FNDC3A: variants seen among roughly 807,000 people sequenced by gnomAD.
The protein encoded by FNDC3A is fibronectin type-III domain-containing protein 3A.
In FNDC3A, 32 loss-of-function variants were observed where a neutral mutation model predicts 148.9. The observed-to-expected ratio is 0.21, with a 90% CI of 0.16 to 0.29. The LOEUF is 0.29. Ranked by LOEUF, FNDC3A falls within the 10% of genes least tolerant of loss-of-function variation. The pLI is 1.00. For missense variants in FNDC3A, 1,191 were observed against 1,452.8 expected (o/e 0.82, Z 2.93); for synonymous variants, 472 against 473.6 (o/e 1.00, Z 0.04).
At chr13:49,172,498 GCCAGGCCCTCT>G (rs1348981730) in intron 11 of FNDC3A, among the ~76,000 whole-genome samples, 3 of 152,106 alleles carry the variant, frequency 2.0e-5, no homozygotes, top group Admixed American at 6.5e-5. Context: ...TGTCAGCATG[GCCAGGCCCTCT>G]CCAGGGACTT....
chr13:49,144,373 A>G (rs1023804582), intron 7 of FNDC3A, among the ~76,000 whole-genome samples: 1 of 152,180 alleles, frequency 6.6e-6, no homozygotes, highest in African/African-American at 2.4e-5. Flanking sequence ...AAATATAGTA[A>G]TAGTTTTTTT....
intron 1 of FNDC3A, among the ~76,000 whole-genome samples, chr13:49,005,832 GTTAAA>G (rs1952210285): frequency 6.6e-6 from 1 of 151,816 alleles, no homozygotes; most frequent in Non-Finnish European, 1.5e-5. Context: ...AGTAGTGGTG[GTTAAA>G]TTAAATAAAA....
chr13:49,058,357 G>T (rs925394612), intron 2 of FNDC3A, among the ~76,000 whole-genome samples: 1 of 152,124 alleles, frequency 6.6e-6, no homozygotes, highest in Non-Finnish European at 1.5e-5. Flanking sequence ...TAGGTCAGGG[G>T]TCGATCTAAC....
chr13:49,123,036 C>T (rs1398694444), intron 4 of FNDC3A, among the ~76,000 whole-genome samples: 1 of 152,080 alleles, frequency 6.6e-6, no homozygotes, highest in Non-Finnish European at 1.5e-5. Flanking sequence ...GCCCATATAG[C>T]CAAAACAATC....
chr13:49,068,526 G>C (rs1877424232), intron 2 of FNDC3A, among the ~76,000 whole-genome samples: 1 of 152,120 alleles, frequency 6.6e-6, no homozygotes. Context: ...ATTACCTTTT[G>C]ACCCAGCAAT....
intron 8 of FNDC3A, among the ~76,000 whole-genome samples, chr13:49,150,804 G>A (rs1428303165): frequency 6.6e-6 from 1 of 151,890 alleles, no homozygotes; most frequent in Admixed American, 6.6e-5. Flanking sequence ...AATTAGCGAG[G>A]TGTGGTGGTG....
chr13:49,155,270 T>C (rs1883585839), intron 8 of FNDC3A, among the ~76,000 whole-genome samples: 1 of 152,120 alleles, frequency 6.6e-6, no homozygotes, highest in African/African-American at 2.4e-5. Context: ...TCGAGGAATT[T>C]ATCCATTTCT....
rs116080326 is a variant in FNDC3A, at chr13:48,979,251, G to A, written c.-40+3074G>A. Among the ~76,000 whole-genome samples, 1,056 of 152,240 alleles carry A rather than the reference G, an allele frequency of 6.9e-3. 11 individuals carry two copies. The highest frequency in any genetic ancestry group is 0.024 in the African/African-American group (988 of 41,550). Reference sequence around the variant, plus strand: ...TAGTGTGATGTCTTCCTTCCTTCAAGTAGTTTACAAATTAGTTGGGGGTAC... The same window carrying A: ...TAGTGTGATGTCTTCCTTCCTTCAAATAGTTTACAAATTAGTTGGGGGTAC... On this transcript the variant is annotated intron_variant, in intron 1 of 25. Coordinates refer to ENST00000492622, the MANE Select transcript of FNDC3A (RefSeq NM_001079673.2).
In FNDC3A at chr13:49,092,947, A is replaced by G. The variant is rs190022599; in HGVS notation, c.175+17583A>G. On this transcript the variant is annotated intron_variant, in intron 3 of 25. Transcript: ENST00000492622. ...AGATTGTGTTGTATGCATTGATTGC[A>G]TTAATCAACTTTAAATCTTAAGAGA... Among the ~76,000 whole-genome samples, 29 of 152,242 alleles carry G rather than the reference A, an allele frequency of 1.9e-4. No homozygotes were observed. In the East Asian group the frequency reaches 5.0e-3, roughly 26 times the overall value.
intron 1 of FNDC3A, among the ~76,000 whole-genome samples, chr13:49,005,585 C>T (rs762071864): frequency 7.2e-5 from 11 of 151,846 alleles, no homozygotes; most frequent in Non-Finnish European, 1.2e-4. Flanking sequence ...AATATAAGAG[C>T]TTGAAACTTC....
At chr13:49,084,035 A>G (rs1176793520) in intron 3 of FNDC3A, among the ~76,000 whole-genome samples, 1 of 152,220 alleles carries the variant, frequency 6.6e-6, no homozygotes, top group Non-Finnish European at 1.5e-5. Context: ...TAATTGAGCT[A>G]GTGAATGGTT....
chr13:49,054,754 C>T (rs1211208587), intron 2 of FNDC3A, among the ~76,000 whole-genome samples: 1 of 152,250 alleles, frequency 6.6e-6, no homozygotes, highest in African/African-American at 2.4e-5. Context: ...AGCTCAAGCC[C>T]TGCTTCAGGT....
At chr13:49,117,710 A>G (rs1881058020) in intron 4 of FNDC3A, among the ~76,000 whole-genome samples, 1 of 152,240 alleles carries the variant, frequency 6.6e-6, no homozygotes, top group African/African-American at 2.4e-5. Flanking sequence ...GGTATGATAA[A>G]TAATCTAGAG....
Position 49,172,109 on chromosome 13 carries a change from A to T in FNDC3A, c.1230+13A>T. On this transcript the variant is annotated intron_variant, in intron 11 of 25. Coordinates refer to ENST00000492622, the MANE Select transcript of FNDC3A (RefSeq NM_001079673.2). The stretch of plus-strand genomic sequence containing the variant: ...AGAATGGGATGAAGTAAGTAAATTG[A>T]ATCTTTTTAAATGGTTAACATTATG... 6.6e-7 allele frequency: 1 copy of T among 1,515,042 alleles called. No homozygotes were observed. The allele number at this position is 1,515,042 out of a possible 1,614,324, so 93.8% of individuals were successfully genotyped here.
At chr13:49,109,960 G>A (rs1880437287) in intron 3 of FNDC3A, among the ~76,000 whole-genome samples, 1 of 152,114 alleles carries the variant, frequency 6.6e-6, no homozygotes, top group African/African-American at 2.4e-5. Context: ...TATCTCAAAT[G>A]TTCTAAATGA....
At chr13:49,058,157 A>T (rs557841295) in intron 2 of FNDC3A, among the ~76,000 whole-genome samples, 2 of 152,232 alleles carry the variant, frequency 1.3e-5, no homozygotes, top group South Asian at 2.1e-4. Context: ...GTCTCCAACA[A>T]CCGAGCTCCC....
intron 2 of FNDC3A, among the ~76,000 whole-genome samples, chr13:49,067,683 G>T (rs1409402930): frequency 6.6e-6 from 1 of 152,158 alleles, no homozygotes; most frequent in African/African-American, 2.4e-5. Flanking sequence ...GATTTCGTCT[G>T]TCCTAATAGT....
chr13:49,114,805 G>C, intron 4 of FNDC3A, 74 bp downstream of exon 4: 1 of 1,071,842 alleles, frequency 9.3e-7, no homozygotes, highest in Non-Finnish European at 1.4e-6. Context: ...CTTTGATTTT[G>C]ATTTAAAAAA....
At chr13:49,180,433 T>C (rs929515211) in intron 14 of FNDC3A, among the ~76,000 whole-genome samples, 19 of 152,194 alleles carry the variant, frequency 1.2e-4, no homozygotes, top group Admixed American at 3.3e-4. Flanking sequence ...TAAAAACTTA[T>C]AATAATGCTA....
Sources: allele counts gnomAD v4.1 joint callset (sites outside exome capture counted in the v4.1 genomes callset), GRCh38; gene constraint gnomAD v4.1.1; transcripts MANE v1.5; gene names NCBI Gene and HGNC (gene_info 2026-07-23, HGNC 2026-07-21).